The following OXR1 variants were observed in gnomAD, a reference collection of about 807,000 sequenced individuals.
OXR1 encodes oxidation resistance 1.
OXR1 carries 41 observed loss-of-function variants against 104.6 expected under a neutral mutation model. The observed-to-expected ratio is 0.39, with a 90% CI of 0.31 to 0.51. The LOEUF is 0.51. Among genes scored for constraint, OXR1 ranks in the 20% least tolerant of loss-of-function variants. The probability of loss-of-function intolerance (pLI) is 0.77; values close to 1 mark genes in which losing one functional copy is unlikely to be tolerated. For synonymous variants in OXR1, 348 were observed against 348.4 expected (o/e 1.00, Z 0.01); for missense variants, 955 against 1,031.9 (o/e 0.93, Z 1.02).
At chr8:106,715,159 A>T (rs2131419108) in intron 11 of OXR1, among the ~76,000 whole-genome samples, 1 of 152,192 alleles carries the variant, frequency 6.6e-6, no homozygotes, top group East Asian at 1.9e-4. Context: ...AGGCAATGAC[A>T]TGGATGAATT....
At chr8:106,709,899 G>C (rs1831524726) in intron 9 of OXR1, among the ~76,000 whole-genome samples, 1 of 152,056 alleles carries the variant, frequency 6.6e-6, no homozygotes, top group African/African-American at 2.4e-5. Flanking sequence ...GGTTCCCATA[G>C]ATTATCTACC....
intron 1 of OXR1, among the ~76,000 whole-genome samples, chr8:106,352,451 T>C (rs1227755716): frequency 6.6e-6 from 1 of 152,200 alleles, no homozygotes. Flanking sequence ...GTGCATAGGA[T>C]TGACCCAGAA....
intron 2 of OXR1, among the ~76,000 whole-genome samples, chr8:106,417,772 G>A (rs944147250): frequency 3.9e-5 from 6 of 152,076 alleles, no homozygotes; most frequent in Non-Finnish European, 7.4e-5. Flanking sequence ...TTCAGTCAGG[G>A]TCCCAACCGG....
rs941699255 is a variant in OXR1, at chr8:106,495,039, G to A, written c.24-23904G>A. ...CAGTAGGGTAGTGGAGCTGATAGCCGATTTGCCCCTGCACACCACTGCTCA... is the reference window on the plus strand; with the variant it reads ...CAGTAGGGTAGTGGAGCTGATAGCCAATTTGCCCCTGCACACCACTGCTCA... On this transcript the variant is annotated intron_variant, in intron 2 of 16. Transcript: ENST00000517566. Among the ~76,000 whole-genome samples, 4 of 152,178 alleles carry A rather than the reference G, an allele frequency of 2.6e-5. No homozygotes were observed. In the South Asian group the frequency reaches 6.2e-4, roughly 24 times the overall value.
At chr8:106,422,569 C>A (rs1300188947) in intron 2 of OXR1, among the ~76,000 whole-genome samples, 1 of 151,992 alleles carries the variant, frequency 6.6e-6, no homozygotes, top group Non-Finnish European at 1.5e-5. Context: ...TCACTTTAAT[C>A]ACATTTAATA....
chr8:106,596,868 C>T (rs1368298860), intron 3 of OXR1, among the ~76,000 whole-genome samples: 1 of 152,134 alleles, frequency 6.6e-6, no homozygotes, highest in East Asian at 1.9e-4. Context: ...TTGTGGCCAG[C>T]ATGGTGAAAC....
At chr8:106,610,576 A>G (rs1354349357) in intron 3 of OXR1, among the ~76,000 whole-genome samples, 1 of 152,104 alleles carries the variant, frequency 6.6e-6, no homozygotes, top group Non-Finnish European at 1.5e-5. Flanking sequence ...CCTGTCTCGT[A>G]CCATGCCACA....
At chr8:106,419,851 T>A (rs2130532181) in intron 2 of OXR1, among the ~76,000 whole-genome samples, 1 of 152,288 alleles carries the variant, frequency 6.6e-6, no homozygotes, top group Non-Finnish European at 1.5e-5. Context: ...AACATGCGAA[T>A]TGGACTCTGC....
intron 3 of OXR1, among the ~76,000 whole-genome samples, chr8:106,546,212 C>A (rs761732543): frequency 6.6e-6 from 1 of 152,234 alleles, no homozygotes; most frequent in African/African-American, 2.4e-5. Flanking sequence ...CTTTACCCAC[C>A]ACAGTTTTTG....
At chr8:106,655,298 A>C (rs1200613753) in intron 3 of OXR1, among the ~76,000 whole-genome samples, 1 of 149,310 alleles carries the variant, frequency 6.7e-6, no homozygotes, top group African/African-American at 2.5e-5. Flanking sequence ...TAAATTACAT[A>C]TGAATAAAGT....
intron 3 of OXR1, among the ~76,000 whole-genome samples, chr8:106,644,508 G>A (rs1823915381): frequency 6.6e-6 from 1 of 152,148 alleles, no homozygotes; most frequent in East Asian, 1.9e-4. Flanking sequence ...CCAATTTTGG[G>A]TTGTATTGGG....
At chr8:106,521,745 C>T (rs1157999309) in intron 3 of OXR1, among the ~76,000 whole-genome samples, 8 of 152,096 alleles carry the variant, frequency 5.3e-5, no homozygotes, top group African/African-American at 1.9e-4. Flanking sequence ...ATCTCCTGAC[C>T]TCAAGATCTG....
At chr8:106,291,658 A>G (rs572535615) in intron 1 of OXR1, among the ~76,000 whole-genome samples, 3 of 152,328 alleles carry the variant, frequency 2.0e-5, no homozygotes, top group East Asian at 3.9e-4. Flanking sequence ...TCTGAGTGGT[A>G]TGCATATATT....
chr8:106,686,097 T>C (rs1194859186), intron 6 of OXR1, among the ~76,000 whole-genome samples: 1 of 152,004 alleles, frequency 6.6e-6, no homozygotes, highest in Non-Finnish European at 1.5e-5. Context: ...GGCATAAGAA[T>C]GATATAGTGG....
intron 2 of OXR1, among the ~76,000 whole-genome samples, chr8:106,410,456 T>G (rs969233507): frequency 6.6e-6 from 1 of 152,204 alleles, no homozygotes; most frequent in Non-Finnish European, 1.5e-5. Flanking sequence ...TCCTTCAATA[T>G]TCAGTAAACC....
intron 3 of OXR1, among the ~76,000 whole-genome samples, chr8:106,532,806 G>T (rs1199982050): frequency 6.6e-6 from 1 of 152,078 alleles, no homozygotes; most frequent in Non-Finnish European, 1.5e-5. Context: ...ATCTCTATGG[G>T]CCAGAAAAAG....
At chr8:106,435,523 G>A (rs1044718282) in intron 2 of OXR1, among the ~76,000 whole-genome samples, 2 of 152,106 alleles carry the variant, frequency 1.3e-5, no homozygotes, top group African/African-American at 2.4e-5. Context: ...AACATTTAAA[G>A]CCTGAGTTAT....
rs567307465 is a variant in OXR1, at chr8:106,731,507, A to AT, written c.1957-6006dup. 3.9e-5 allele frequency among the ~76,000 whole-genome samples: 6 copies of AT among 152,072 alleles called. No homozygotes were observed. The South Asian group carries it at 1.2e-3, about 32-fold the overall frequency. On this transcript the variant is annotated intron_variant, in intron 11 of 16. Transcript: ENST00000517566. Reference sequence around the variant, plus strand: ...CACCTTCAGACTTAGGGTCACCAAGATTTTTTTCCTGTGCTATTTTCTAGG... The same window carrying AT: ...CACCTTCAGACTTAGGGTCACCAAGATTTTTTTTCCTGTGCTATTTTCTAGG...
At chr8:106,367,993 G>A (rs1295937426) in intron 2 of OXR1, among the ~76,000 whole-genome samples, 1 of 152,136 alleles carries the variant, frequency 6.6e-6, no homozygotes, top group Non-Finnish European at 1.5e-5. Flanking sequence ...AGGTAGCAGG[G>A]AGGCATGTAG....
Sources: allele counts gnomAD v4.1 joint callset (sites outside exome capture counted in the v4.1 genomes callset), GRCh38; gene constraint gnomAD v4.1.1; transcripts MANE v1.5; gene names NCBI Gene and HGNC (gene_info 2026-07-23, HGNC 2026-07-21).